Variants in DCLK2 observed in about 807,000 individuals in gnomAD.
DCLK2 encodes serine/threonine-protein kinase DCLK2.
DCLK2 carries 31 observed loss-of-function variants against 78.4 expected under a neutral mutation model. That is an observed-to-expected ratio of 0.40 (90% CI 0.30 to 0.53). The LOEUF is 0.53. DCLK2 is among the 20% of genes least tolerant of loss of function. DCLK2 has a pLI of 0.61. For synonymous variants in DCLK2, 407 were observed against 374.9 expected (o/e 1.09, Z -0.99); for missense variants, 872 against 973.7 (o/e 0.90, Z 1.39).
Position 150,078,885 on chromosome 4 carries a change from C to A in DCLK2, c.-143C>A. Reference sequence around the variant, plus strand: ...GTCGGCTCCTCCGCGGCTCCTCGGCCCCACCTGCGCGGAGAGGGCGGGATG... The same window carrying A: ...GTCGGCTCCTCCGCGGCTCCTCGGCACCACCTGCGCGGAGAGGGCGGGATG... On this transcript the variant is annotated 5_prime_UTR_variant, in exon 1 of 16. Transcript: ENST00000296550. The A allele has an allele frequency of 8.8e-7, 1 of 1,136,990 alleles. No homozygotes were observed. Among genetic ancestry groups the A allele is most frequent in the Non-Finnish European group, 1.2e-6 (1 of 854,810 alleles). The allele number at this position is 1,136,990 out of a possible 1,614,324, so 70.4% of individuals were successfully genotyped here.
At chr4:150,240,524 T>C (rs888202950) in intron 12 of DCLK2, 48 bp downstream of exon 12, 7 of 1,563,240 alleles carry the variant, frequency 4.5e-6, no homozygotes, top group African/African-American at 1.4e-5. Context: ...TGTTCTCCCT[T>C]GGGTCCAGAA....
intron 12 of DCLK2, among the ~76,000 whole-genome samples, chr4:150,245,081 G>A (rs1353082049): frequency 3.9e-5 from 6 of 152,008 alleles, no homozygotes; most frequent in African/African-American, 1.2e-4. Context: ...GGAGCCCTCT[G>A]GTTCTCTGAA....
At chr4:150,206,279 A>T (rs1739835041) in intron 5 of DCLK2, among the ~76,000 whole-genome samples, 2 of 152,190 alleles carry the variant, frequency 1.3e-5, no homozygotes, top group African/African-American at 4.8e-5. Context: ...GACATTAAGT[A>T]AAATTGTTCC....
At chr4:150,224,403 A>T in intron 7 of DCLK2, 98 bp from the exon 8 acceptor site, 1 of 1,063,742 alleles carries the variant, frequency 9.4e-7, no homozygotes, top group South Asian at 1.7e-5. Flanking sequence ...TCTCATCTCT[A>T]CAAAAAAAAA....
chr4:150,087,242 C>G (rs192371233), intron 1 of DCLK2, among the ~76,000 whole-genome samples: 165 of 152,278 alleles, frequency 1.1e-3, no homozygotes, highest in Admixed American at 4.9e-3. Context: ...TACACTATAA[C>G]ATTTACTGAC....
chr4:150,250,778 T>C (rs1743736411), intron 15 of DCLK2, among the ~76,000 whole-genome samples: 1 of 151,334 alleles, frequency 6.6e-6, no homozygotes, highest in Non-Finnish European at 1.5e-5. Flanking sequence ...TCATGGTACA[T>C]GGTTGTCTGA....
Position 150,256,230 on chromosome 4 carries a change from C to T in DCLK2, c.2284C>T (p.Arg762Cys), listed in dbSNP as rs770526942. ...GGGTGGTGAGCGGGCAGGAACCTGG[C>T]GCCGCCACCGAGACTGAGCCTCCTG... is the stretch of plus-strand genomic sequence containing the variant. ...APGGERAGTW[R>C]RHRD The change falls in exon 16 of 16, where the codon CGC (arginine) becomes TGC (cysteine). Residue 762 changes from arginine (R) to cysteine (C), a missense_variant. Coordinates refer to ENST00000296550, the MANE Select transcript of DCLK2 (RefSeq NM_001040260.4). 2.0e-5 allele frequency: 30 copies of T among 1,507,860 alleles called. No homozygotes were observed. The highest frequency in any genetic ancestry group is 5.9e-5 in the African/African-American group (4 of 68,104). 93.4% of individuals were successfully genotyped at this position (1,507,860 alleles called of 1,614,324 possible).
intron 14 of DCLK2, among the ~76,000 whole-genome samples, chr4:150,248,965 G>T (rs1743533560): frequency 6.6e-6 from 1 of 152,098 alleles, no homozygotes; most frequent in Non-Finnish European, 1.5e-5. Context: ...ATTTCTGGGA[G>T]GCTCCAGGAG....
intron 2 of DCLK2, among the ~76,000 whole-genome samples, chr4:150,128,945 A>T (rs1362443630): frequency 6.6e-6 from 1 of 152,208 alleles, no homozygotes; most frequent in Admixed American, 6.5e-5. Flanking sequence ...AGTTTGTGGC[A>T]GAACAGATAT....
chr4:150,250,558 G>A (rs1743698038), intron 15 of DCLK2, among the ~76,000 whole-genome samples: 1 of 151,784 alleles, frequency 6.6e-6, no homozygotes, highest in Non-Finnish European at 1.5e-5. Context: ...CCCAGAGCTG[G>A]AGTTGGCTGC....
intron 1 of DCLK2, among the ~76,000 whole-genome samples, chr4:150,086,736 G>A (rs967409685): frequency 6.6e-6 from 1 of 152,036 alleles, no homozygotes; most frequent in Non-Finnish European, 1.5e-5. Flanking sequence ...TCGATCTCCT[G>A]ACCTCGTGAT....
intron 2 of DCLK2, among the ~76,000 whole-genome samples, chr4:150,153,785 G>A (rs776165138): frequency 6.6e-6 from 1 of 152,020 alleles, no homozygotes; most frequent in Non-Finnish European, 1.5e-5. Context: ...AAACTGGTGT[G>A]AGGAGAAAAT....
chr4:150,103,305 G>A (rs1345678082), intron 2 of DCLK2, among the ~76,000 whole-genome samples: 2 of 152,170 alleles, frequency 1.3e-5, no homozygotes, highest in East Asian at 1.9e-4. Flanking sequence ...GTCTGTAAAA[G>A]TTTCATAGGG....
chr4:150,206,301 G>C (rs1216086138), intron 5 of DCLK2, among the ~76,000 whole-genome samples: 4 of 152,014 alleles, frequency 2.6e-5, no homozygotes, highest in Non-Finnish European at 4.4e-5. Flanking sequence ...TCTATGCTAG[G>C]TGTATCTTAA....
chr4:150,170,556 C>T (rs1387712292), intron 2 of DCLK2, among the ~76,000 whole-genome samples: 1 of 152,108 alleles, frequency 6.6e-6, no homozygotes, highest in Non-Finnish European at 1.5e-5. Context: ...TATACATTTG[C>T]AGTGCGAGTA....
chr4:150,092,693 C>T (rs1730178286), intron 1 of DCLK2, among the ~76,000 whole-genome samples: 1 of 152,062 alleles, frequency 6.6e-6, no homozygotes, highest in Admixed American at 6.6e-5. Flanking sequence ...GGATAAAGAT[C>T]ACACAATCTT....
chr4:150,229,681 A>G (rs1045519559), intron 8 of DCLK2, among the ~76,000 whole-genome samples: 1 of 152,178 alleles, frequency 6.6e-6, no homozygotes, highest in African/African-American at 2.4e-5. Context: ...CACCATGTCC[A>G]AAGATAAGGC....
intron 2 of DCLK2, among the ~76,000 whole-genome samples, chr4:150,123,813 G>A (rs1297733350): frequency 1.3e-5 from 2 of 152,242 alleles, no homozygotes; most frequent in East Asian, 1.9e-4. Flanking sequence ...AGGCCAGGGC[G>A]GGAAGAGTGC....
intron 1 of DCLK2, among the ~76,000 whole-genome samples, chr4:150,096,880 C>T (rs770643907): frequency 1.6e-4 from 25 of 152,150 alleles, no homozygotes; most frequent in Non-Finnish European, 3.1e-4. Context: ...AAGCCAAAAG[C>T]ACATTAGGTA....
Sources: allele counts gnomAD v4.1 joint callset (sites outside exome capture counted in the v4.1 genomes callset), GRCh38; gene constraint gnomAD v4.1.1; transcripts MANE v1.5; gene names NCBI Gene and HGNC (gene_info 2026-07-23, HGNC 2026-07-21).